Variants in NCAPH observed in about 807,000 individuals in gnomAD.
NCAPH encodes non-SMC condensin I complex subunit H.
Under a neutral mutation model 85.5 loss-of-function variants are expected in NCAPH, and 38 were observed. The ratio of observed to expected loss-of-function variants is 0.44; its 90% CI spans 0.34 to 0.58. The LOEUF is 0.58. NCAPH is among the 20% of genes least tolerant of loss of function. NCAPH has a pLI of 0.01. For missense variants in NCAPH, 789 were observed against 916.6 expected (o/e 0.86, Z 1.80); for synonymous variants, 301 against 335.1 (o/e 0.90, Z 1.11).
At position 96,376,510 on chromosome 2, in the gene NCAPH, C is replaced by T. The variant is rs993319182; in HGVS notation, c.*3159C>T. On this transcript the variant is annotated 3_prime_UTR_variant, in exon 18 of 18. Coordinates refer to ENST00000240423, the MANE Select transcript of NCAPH (RefSeq NM_015341.5). ...GACCACCCTACAGTGTATGATCCCC[C>T]TGGGGAGCAAAAGGCTGCAGGTAAC... Among the ~76,000 whole-genome samples the T allele has an allele frequency of 3.9e-5, 6 of 152,214 alleles. No homozygotes were observed. The highest frequency in any genetic ancestry group is 3.9e-4 in the Admixed American group (6 of 15,284).
intron 17 of NCAPH, 125 bp downstream of exon 17, chr2:96,369,625 C>T: frequency 1.1e-6 from 1 of 950,568 alleles, no homozygotes; most frequent in Admixed American, 2.0e-5. Flanking sequence ...TTATGTAGCA[C>T]CTTCAACCCA....
rs1421487386 is a variant in NCAPH, at chr2:96,335,774, G to A, written c.-56G>A. The A allele has an allele frequency of 1.4e-6, 2 of 1,462,186 alleles. No homozygotes were observed. Among genetic ancestry groups the A allele is most frequent in the African/African-American group, 3.0e-5 (2 of 67,252 alleles). 90.6% of individuals were successfully genotyped at this position (1,462,186 alleles called of 1,614,324 possible). On this transcript the variant is annotated 5_prime_UTR_variant, in exon 1 of 18. Transcript: ENST00000240423. ...GGCGACGTCACGCGGCCGTTACGGCGCTCAGGCGTCTCGACGCGCGCGATT... is the reference window on the plus strand; with the variant it reads ...GGCGACGTCACGCGGCCGTTACGGCACTCAGGCGTCTCGACGCGCGCGATT...
chr2:96,366,081 T>G (rs1026293119), intron 14 of NCAPH, 23 bp downstream of exon 14: 1 of 1,609,710 alleles, frequency 6.2e-7, no homozygotes, highest in Non-Finnish European at 8.5e-7. Flanking sequence ...CAGCTGAGAA[T>G]TACATTGTTT....
rs774996456 is a variant in NCAPH, at chr2:96,342,170, C to T, written c.363+30C>T. The T allele has an allele frequency of 2.6e-5, 40 of 1,519,076 alleles. 1 individual carries two copies. Among genetic ancestry groups the T allele is most frequent in the Middle Eastern group, 1.7e-4 (1 of 5,914 alleles). The allele number at this position is 1,519,076 out of a possible 1,614,324, so 94.1% of individuals were successfully genotyped here. A position where few individuals can be genotyped will look rare whatever the true frequency, so the allele number is the denominator to read the frequency against. ...GTATTTGCTGGTTTATTATTGAAGA[C>T]GTAATCCCTTGATCACAGGGGAAAT... On this transcript the variant is annotated intron_variant, in intron 3 of 17. Transcript: ENST00000240423.
chr2:96,352,855 C>T (rs2064464025), intron 7 of NCAPH, among the ~76,000 whole-genome samples: 1 of 152,168 alleles, frequency 6.6e-6, no homozygotes, highest in Non-Finnish European at 1.5e-5. Flanking sequence ...CAAGTTTGTG[C>T]TCTCATTTGG....
chr2:96,342,283 C>T lies in NCAPH; in HGVS notation c.363+143C>T, dbSNP rs538540077. On this transcript the variant is annotated intron_variant, in intron 3 of 17. Transcript: ENST00000240423. ...TTAGTGCTGGTGGTTTTACTGTTTA[C>T]TCTGGACCCGTGGTGCACCTCCTGA... 1.6e-4 allele frequency: 132 copies of T among 813,926 alleles called. No homozygotes were observed. In the African/African-American group the frequency reaches 2.1e-3, roughly 13 times the overall value. The allele number at this position is 813,926 out of a possible 1,614,324, so 50.4% of individuals were successfully genotyped here. A position where few individuals can be genotyped will look rare whatever the true frequency, so the allele number is the denominator to read the frequency against.
At position 96,352,014 on chromosome 2, in the gene NCAPH, T is replaced by A; in HGVS notation, c.904T>A (p.Leu302Ile). 6.2e-7 allele frequency: 1 copy of A among 1,609,790 alleles called. No individual in the cohort carries two copies. Among genetic ancestry groups the A allele is most frequent in the Non-Finnish European group, 8.5e-7 (1 of 1,178,386 alleles). ...PELGCVEMTDLKAPLQQCAED... is the reference protein window; with the variant it reads ...PELGCVEMTDIKAPLQQCAED... ...GTTAGGTTGTGTAGAAATGACAGATTTAAAAGGTAAGTACAAGTGATGCCT... is the reference window on the plus strand; with the variant it reads ...GTTAGGTTGTGTAGAAATGACAGATATAAAAGGTAAGTACAAGTGATGCCT... Residue 302 changes from leucine (L) to isoleucine (I), a missense_variant, in exon 7 of 18, where the codon TTA (leucine) becomes ATA (isoleucine). By Grantham distance (5) the Leu-to-Ile change is conservative. Transcript: ENST00000240423.
chr2:96,370,398 G>A (rs973221389), intron 17 of NCAPH, among the ~76,000 whole-genome samples: 42 of 152,314 alleles, frequency 2.8e-4, no homozygotes, highest in Middle Eastern at 6.8e-3. Flanking sequence ...TTATGGGAAT[G>A]GAATGGTAGC....
chr2:96,340,168 C>CT (rs1320520728), intron 1 of NCAPH, among the ~76,000 whole-genome samples: 1 of 152,028 alleles, frequency 6.6e-6, no homozygotes, highest in African/African-American at 2.4e-5. Context: ...TGTGATCTGC[C>CT]TGCCTCAGCC....
chr2:96,371,805 C>T (rs998165797), intron 17 of NCAPH, among the ~76,000 whole-genome samples: 2 of 152,232 alleles, frequency 1.3e-5, no homozygotes, highest in African/African-American at 4.8e-5. Flanking sequence ...GAGAAATATT[C>T]TCAACGCTTC....
chr2:96,350,276 T>C (rs568835865), intron 6 of NCAPH, among the ~76,000 whole-genome samples: 1 of 152,344 alleles, frequency 6.6e-6, no homozygotes, highest in South Asian at 2.1e-4. Context: ...TCACACATGA[T>C]ATAATTCTAG....
Position 96,373,359 on chromosome 2 carries a change from A to T in NCAPH, c.*8A>T. ...GTGAGGCAAGGAGATTGAGTTCACT[A>T]TGGAGAAGTCAGCAGCAGGAGGCCC... On this transcript the variant is annotated 3_prime_UTR_variant, in exon 18 of 18. Coordinates refer to ENST00000240423, the MANE Select transcript of NCAPH (RefSeq NM_015341.5). The T allele has an allele frequency of 6.2e-7, 1 of 1,613,202 alleles. No individual in the cohort carries two copies. Among genetic ancestry groups the T allele is most frequent in the Non-Finnish European group, 8.5e-7 (1 of 1,179,352 alleles).
rs978597624 is a variant in NCAPH, at chr2:96,342,048, A to G, written c.273-2A>G. On this transcript the variant is annotated splice_acceptor_variant, in intron 2 of 17. Coordinates refer to ENST00000240423, the MANE Select transcript of NCAPH (RefSeq NM_015341.5). LOFTEE classifies it high-confidence loss of function. ...AGTTGTTTGTTTTTGTTTTCCATTT[A>G]GGAGTATTGACATTTCAGCTACTAT... is the stretch of plus-strand genomic sequence containing the variant. 1 of 1,609,360 alleles carries G rather than the reference A, an allele frequency of 6.2e-7. No homozygotes were observed. The highest frequency in any genetic ancestry group is 1.7e-5 in the Admixed American group (1 of 60,016).
intron 3 of NCAPH, 22 bp downstream of exon 3, chr2:96,342,162 A>G: frequency 6.5e-7 from 1 of 1,547,974 alleles, no homozygotes; most frequent in South Asian, 1.1e-5. Context: ...CTGGTTTATT[A>G]TTGAAGACGT....
chr2:96,339,375 G>A (rs549158204), intron 1 of NCAPH, among the ~76,000 whole-genome samples: 8 of 152,006 alleles, frequency 5.3e-5, no homozygotes, highest in South Asian at 2.1e-4. Flanking sequence ...GGCAGATCAC[G>A]AGGTCAGGAG....
intron 7 of NCAPH, 37 bp from the exon 8 acceptor site, chr2:96,353,269 T>C (rs1012082413): frequency 7.6e-6 from 12 of 1,576,672 alleles, no homozygotes; most frequent in Non-Finnish European, 1.0e-5. Flanking sequence ...CTTGACCCCC[T>C]TCTAATCTCT....
intron 17 of NCAPH, 64 bp from the exon 18 acceptor site, chr2:96,373,228 T>C: frequency 7.1e-7 from 1 of 1,407,750 alleles, no homozygotes; most frequent in Admixed American, 1.7e-5. Context: ...TGACTGTGAT[T>C]GGAATTTATG....
At chr2:96,354,034 A>T (rs1165675952) in intron 8 of NCAPH, 149 bp from the exon 9 acceptor site, 5 of 741,986 alleles carry the variant, frequency 6.7e-6, no homozygotes, top group Non-Finnish European at 1.2e-5. Flanking sequence ...GTCTTGGCCC[A>T]GGCAGGCAGG....
At chr2:96,360,908 T>C (rs2064598106) in intron 12 of NCAPH, among the ~76,000 whole-genome samples, 198 bp downstream of exon 12, 1 of 152,172 alleles carries the variant, frequency 6.6e-6, no homozygotes, top group South Asian at 2.1e-4. Flanking sequence ...CAGTAAACAC[T>C]TGGAAATACC....
Sources: gnomAD v4.1 joint callset for allele counts (sites outside exome capture counted in the v4.1 genomes callset) on GRCh38, gnomAD v4.1.1 for gene constraint, MANE v1.5 for transcripts, NCBI Gene and HGNC (gene_info 2026-07-23, HGNC 2026-07-21) for gene names.